TENT2: variants seen among roughly 807,000 people sequenced by gnomAD.
TENT2 encodes the protein poly(A) RNA polymerase GLD2.
TENT2 carries 44 observed loss-of-function variants against 72.2 expected under a neutral mutation model. The observed-to-expected ratio is 0.61, with a 90% CI of 0.48 to 0.78. TENT2 has a LOEUF of 0.78. Among genes scored for constraint, TENT2 ranks in the 30% least tolerant of loss-of-function variants. The probability of loss-of-function intolerance (pLI) is 0.00; values close to 1 mark genes in which losing one functional copy is unlikely to be tolerated. For missense variants in TENT2, 541 were observed against 569.6 expected, an observed-to-expected ratio of 0.95 and a Z score of 0.51; for synonymous variants, 212 against 192.5, an observed-to-expected ratio of 1.10 and a Z score of -0.84.
At chr5:79,674,587 G>A (rs1216524550) in intron 12 of TENT2, among the ~76,000 whole-genome samples, 1 of 152,194 alleles carries the variant, frequency 6.6e-6, no homozygotes, top group African/African-American at 2.4e-5. Flanking sequence ...ATTCTTAGGA[G>A]ATATATACTG....
chr5:79,636,041 C>G (rs1779888509), intron 4 of TENT2, among the ~76,000 whole-genome samples: 1 of 152,072 alleles, frequency 6.6e-6, no homozygotes, highest in South Asian at 2.1e-4. Context: ...TTAACAATGA[C>G]TAAAAGTAGA....
rs552760598 is a variant in TENT2, at chr5:79,677,739, T to G, written c.1209-1840T>G. Among the ~76,000 whole-genome samples the G allele has an allele frequency of 1.1e-3, 167 of 152,354 alleles. 1 individual carries two copies. The highest frequency in any genetic ancestry group is 3.9e-3 in the African/African-American group (162 of 41,572). ...GTTTGTGGCTATATAACTCCCCTCT[T>G]CACATTGTTGTTGTAAAGAAACAAT... On this transcript the variant is annotated intron_variant, in intron 12 of 14. Coordinates refer to ENST00000453514, the MANE Select transcript of TENT2 (RefSeq NM_001114394.3).
intron 4 of TENT2, among the ~76,000 whole-genome samples, chr5:79,635,417 A>G (rs549784995): frequency 1.1e-4 from 16 of 146,754 alleles, no homozygotes; most frequent in South Asian, 8.9e-4. Flanking sequence ...GCATGTAAAA[A>G]ATGGAGAGGA....
At chr5:79,657,056 C>A in intron 11 of TENT2, 55 bp downstream of exon 11, 1 of 1,208,138 alleles carries the variant, frequency 8.3e-7, no homozygotes, top group South Asian at 1.3e-5. Context: ...GTATGTAGAA[C>A]TATTATAAGT....
chr5:79,682,175 A>G (rs909711492), intron 14 of TENT2, 114 bp downstream of exon 14: 6 of 583,244 alleles, frequency 1.0e-5, no homozygotes, highest in Non-Finnish European at 1.8e-5. Flanking sequence ...ATCCATTAAT[A>G]TAGCATGATA....
rs571098383 is a variant in TENT2, at chr5:79,651,015, T to C, written c.1027+1825T>C. On this transcript the variant is annotated intron_variant, in intron 10 of 14. Coordinates refer to ENST00000453514, the MANE Select transcript of TENT2 (RefSeq NM_001114394.3). ...AAAACGTAGTGATATTAAAAGTTAT[T>C]TTACATTTTAAAATTCATTTTGAAT... 2.6e-5 allele frequency among the ~76,000 whole-genome samples: 4 copies of C among 152,254 alleles called. No homozygotes were observed. The East Asian group carries it at 7.7e-4, about 29-fold the overall frequency.
chr5:79,681,964 T>G lies in TENT2; in HGVS notation c.1301-18T>G. On this transcript the variant is annotated intron_variant, in intron 13 of 14. Coordinates refer to ENST00000453514, the MANE Select transcript of TENT2 (RefSeq NM_001114394.3). ...CATTTTAATAATTTTTCCTTTACAT[T>G]TGCATTTAACATTGCAGAACCTTTT... 1 of 1,596,728 alleles carries G rather than the reference T, an allele frequency of 6.3e-7. No homozygotes were observed.
At position 79,687,357 on chromosome 5, in the gene TENT2, T is replaced by C. The variant is rs926530271; in HGVS notation, c.*2084T>C. ...TTTCTGTTTGTGTTGATCTGTCCAT[T>C]TCTGTATATAGTTGTCCCTCAGTAT... On this transcript the variant is annotated 3_prime_UTR_variant, in exon 15 of 15. Coordinates refer to ENST00000453514, the MANE Select transcript of TENT2 (RefSeq NM_001114394.3). 6.6e-6 allele frequency among the ~76,000 whole-genome samples: 1 copy of C among 152,132 alleles called. No homozygotes were observed. Among genetic ancestry groups the C allele is most frequent in the Non-Finnish European group, 1.5e-5 (1 of 68,004 alleles).
chr5:79,660,615 A>G (rs771411390), intron 11 of TENT2, among the ~76,000 whole-genome samples: 10 of 152,202 alleles, frequency 6.6e-5, no homozygotes, highest in Non-Finnish European at 1.2e-4. Flanking sequence ...ATATACAGTA[A>G]TGTGCTGCAT....
chr5:79,653,804 A>C (rs1170946382), intron 10 of TENT2, among the ~76,000 whole-genome samples: 6 of 152,198 alleles, frequency 3.9e-5, no homozygotes, highest in Non-Finnish European at 8.8e-5. Flanking sequence ...AGAGTCTGCA[A>C]GGTGTATTGA....
rs7726102 is a variant in TENT2 at position 79,687,212 on chromosome 5, C to T, written c.*1939C>T. On this transcript the variant is annotated 3_prime_UTR_variant, in exon 15 of 15. Transcript: ENST00000453514. ...CAATTCTATATCAGTAGACTGAGGC[C>T]TGAAATTATGCACACATAACTGGCC... Among the ~76,000 whole-genome samples the T allele has an allele frequency of 2.0e-3, 299 of 152,226 alleles. 1 individual carries two copies. The highest frequency in any genetic ancestry group is 7.0e-3 in the African/African-American group (290 of 41,548).
At chr5:79,685,156 C>T in intron 14 of TENT2, 43 bp from the exon 15 acceptor site, 1 of 1,367,530 alleles carries the variant, frequency 7.3e-7, no homozygotes, top group Non-Finnish European at 1.0e-6. Context: ...TTTTGTTCTG[C>T]ATAAATTTTA....
intron 4 of TENT2, among the ~76,000 whole-genome samples, chr5:79,639,010 A>G (rs1483261526): frequency 6.6e-6 from 1 of 152,182 alleles, no homozygotes; most frequent in African/African-American, 2.4e-5. Context: ...GCAGTCCTAG[A>G]GAGGGAGAGA....
intron 10 of TENT2, among the ~76,000 whole-genome samples, chr5:79,650,226 A>T (rs1400563003): frequency 1.3e-5 from 2 of 152,138 alleles, no homozygotes; most frequent in Admixed American, 6.6e-5. Flanking sequence ...TCATTCTATG[A>T]ATATGTATAG....
chr5:79,639,898 GA>G (rs1341585959), intron 4 of TENT2, among the ~76,000 whole-genome samples: 1 of 152,180 alleles, frequency 6.6e-6, no homozygotes, highest in African/African-American at 2.4e-5. Context: ...TTCAGATAGG[GA>G]AATCACCTAT....
intron 12 of TENT2, among the ~76,000 whole-genome samples, chr5:79,676,338 C>T (rs1580659408): frequency 1.3e-5 from 2 of 152,226 alleles, no homozygotes; most frequent in South Asian, 2.1e-4. Context: ...GTGGCTCACG[C>T]ACCTTGGGAG....
intron 11 of TENT2, among the ~76,000 whole-genome samples, chr5:79,663,069 G>A (rs1561555697): frequency 6.6e-6 from 1 of 152,152 alleles, no homozygotes; most frequent in East Asian, 1.9e-4. Context: ...TACGTAAATA[G>A]CTTCTTTCCT....
chr5:79,677,899 C>G (rs1316076644), intron 12 of TENT2, among the ~76,000 whole-genome samples: 1 of 152,164 alleles, frequency 6.6e-6, no homozygotes, highest in Non-Finnish European at 1.5e-5. Flanking sequence ...TCCCCTTGCT[C>G]AGGTGATCCT....
At chr5:79,641,874 C>T (rs1030302350) in intron 6 of TENT2, among the ~76,000 whole-genome samples, 1 of 151,654 alleles carries the variant, frequency 6.6e-6, no homozygotes, top group Non-Finnish European at 1.5e-5. Flanking sequence ...ATCTGAAATG[C>T]TCCAATGAAC....
Sources: gnomAD v4.1 joint callset for allele counts (sites outside exome capture counted in the v4.1 genomes callset) on GRCh38, gnomAD v4.1.1 for gene constraint, MANE v1.5 for transcripts, NCBI Gene and HGNC (gene_info 2026-07-23, HGNC 2026-07-21) for gene names.